Variants in C8orf34 observed in about 807,000 individuals in gnomAD.
C8orf34 encodes the protein chromosome 8 open reading frame 34.
Under a neutral mutation model 68.3 loss-of-function variants are expected in C8orf34, and 65 were observed. The ratio of observed to expected loss-of-function variants is 0.95; its 90% CI spans 0.78 to 1.17. The LOEUF (loss-of-function observed/expected upper bound fraction) is 1.17. Ranked by LOEUF, C8orf34 falls within the 50% of genes most tolerant of loss-of-function variation. C8orf34 has a pLI of 0.00. For missense variants in C8orf34, 664 were observed against 655.4 expected (o/e 1.01, Z -0.14); for synonymous variants, 244 against 241.2 (o/e 1.01, Z -0.11).
chr8:68,370,526 C>T (rs907839490), intron 1 of C8orf34, among the ~76,000 whole-genome samples: 1 of 152,142 alleles, frequency 6.6e-6, no homozygotes, highest in Admixed American at 6.6e-5. Flanking sequence ...TTTTTAAATT[C>T]TTTCATGAGG....
chr8:68,814,721 T>C (rs1824756708), intron 12 of C8orf34, among the ~76,000 whole-genome samples: 1 of 152,210 alleles, frequency 6.6e-6, no homozygotes. Context: ...AACTCAGTTC[T>C]AGCTTAATAT....
At chr8:68,445,622 G>A (rs907302888) in intron 2 of C8orf34, among the ~76,000 whole-genome samples, 4 of 152,074 alleles carry the variant, frequency 2.6e-5, no homozygotes, top group African/African-American at 9.7e-5. Context: ...AAATTGATTT[G>A]GGTGAATATC....
At chr8:68,709,194 C>T (rs1324265119) in intron 9 of C8orf34, 115 bp downstream of exon 9, 3 of 747,172 alleles carry the variant, frequency 4.0e-6, no homozygotes, top group Non-Finnish European at 6.9e-6. Flanking sequence ...ACTGCAGCTG[C>T]ACGTCACATA....
intron 8 of C8orf34, among the ~76,000 whole-genome samples, chr8:68,643,681 G>A (rs1033526331): frequency 1.3e-5 from 2 of 152,068 alleles, no homozygotes; most frequent in South Asian, 2.1e-4. Context: ...CCATTCATGA[G>A]GGTTCCACCC....
chr8:68,543,192 T>C (rs1320718106), intron 7 of C8orf34, among the ~76,000 whole-genome samples: 1 of 152,148 alleles, frequency 6.6e-6, no homozygotes, highest in African/African-American at 2.4e-5. Context: ...CAAAAAAGTT[T>C]AGACATTTGA....
intron 7 of C8orf34, among the ~76,000 whole-genome samples, chr8:68,558,974 A>C (rs141369525): frequency 6.6e-6 from 1 of 152,346 alleles, no homozygotes; most frequent in African/African-American, 2.4e-5. Flanking sequence ...TACTGGGAGA[A>C]TCACAGAAGG....
At position 68,367,912 on chromosome 8, in the gene C8orf34, G is replaced by GAAAAAAAAAAAAAA. The variant is rs61562318; in HGVS notation, c.327+36585_327+36598dup. Among the ~76,000 whole-genome samples the GAAAAAAAAAAAAAA allele has an allele frequency of 3.2e-3, 256 of 79,110 alleles. 2 individuals carry two copies. The highest frequency in any genetic ancestry group is 4.1e-3 in the Non-Finnish European group (175 of 42,714). 51.9% of individuals were successfully genotyped at this position (79,110 alleles called of 152,430 possible). On this transcript the variant is annotated intron_variant, in intron 1 of 13. Transcript: ENST00000518698. ...CCTAAAGTATAATAAAAAAAGAAAA[G>GAAAAAAAAAAAAAA]AAAAAAAAAAAAAAAAAAAAAAAAA...
chr8:68,805,672 G>T (rs1563679857), intron 12 of C8orf34, among the ~76,000 whole-genome samples: 1 of 151,936 alleles, frequency 6.6e-6, no homozygotes, highest in Non-Finnish European at 1.5e-5. Context: ...GGTTTGTATG[G>T]TATATGATTT....
chr8:68,358,599 G>A (rs1806847107), intron 1 of C8orf34, among the ~76,000 whole-genome samples: 1 of 151,338 alleles, frequency 6.6e-6, no homozygotes, highest in East Asian at 1.9e-4. Context: ...TGCCAGCTTT[G>A]TTTCTGACAC....
intron 7 of C8orf34, among the ~76,000 whole-genome samples, chr8:68,572,827 A>AT (rs1816796145): frequency 6.6e-6 from 1 of 152,022 alleles, no homozygotes; most frequent in Admixed American, 6.6e-5. Flanking sequence ...TGACAGACAG[A>AT]TTTTATGTGT....
chr8:68,672,534 G>A (rs2130845987), intron 8 of C8orf34, among the ~76,000 whole-genome samples: 1 of 152,258 alleles, frequency 6.6e-6, no homozygotes, highest in Admixed American at 6.5e-5. Flanking sequence ...AGCAACACCA[G>A]GTAGAACTCA....
chr8:68,569,668 G>C (rs983401640), intron 7 of C8orf34, among the ~76,000 whole-genome samples: 4 of 152,190 alleles, frequency 2.6e-5, no homozygotes, highest in Non-Finnish European at 5.9e-5. Flanking sequence ...TACAGGAAAA[G>C]GAATTCAGGG....
At chr8:68,533,343 A>C in intron 7 of C8orf34, 194 bp downstream of exon 7, 1 of 1,333,474 alleles carries the variant, frequency 7.5e-7, no homozygotes, top group East Asian at 2.9e-5. Context: ...AAGCATATGA[A>C]TATTTATTAG....
At chr8:68,496,915 C>G (rs367735257) in intron 5 of C8orf34, among the ~76,000 whole-genome samples, 2 of 152,110 alleles carry the variant, frequency 1.3e-5, no homozygotes, top group East Asian at 3.9e-4. Flanking sequence ...AGGAAAATAT[C>G]TGTAGAGCTG....
chr8:68,811,733 G>C lies in C8orf34; in HGVS notation c.1550-4153G>C, dbSNP rs1824657730. On this transcript the variant is annotated intron_variant, in intron 12 of 13. Coordinates refer to ENST00000518698, the MANE Select transcript of C8orf34 (RefSeq NM_052958.4). ...TTCTGAAGGAGGAGGAAATGGGACA[G>C]AAGTAACATTTATTAAATTTTGATT... is the stretch of plus-strand genomic sequence containing the variant. 2.0e-5 allele frequency among the ~76,000 whole-genome samples: 3 copies of C among 152,228 alleles called. No homozygotes were observed. In the South Asian group the frequency reaches 6.2e-4, roughly 32 times the overall value.
chr8:68,361,928 G>C (rs1156421706), intron 1 of C8orf34, among the ~76,000 whole-genome samples: 1 of 152,208 alleles, frequency 6.6e-6, no homozygotes, highest in Non-Finnish European at 1.5e-5. Flanking sequence ...GAAGGTTAAA[G>C]ATCTACTAAC....
chr8:68,577,828 CT>C (rs1411332250), intron 7 of C8orf34, among the ~76,000 whole-genome samples: 1 of 151,204 alleles, frequency 6.6e-6, no homozygotes, highest in Non-Finnish European at 1.5e-5. Flanking sequence ...AAAAACCTTA[CT>C]TTTGTATTTC....
At chr8:68,520,557 T>G (rs925541486) in intron 5 of C8orf34, among the ~76,000 whole-genome samples, 1 of 151,908 alleles carries the variant, frequency 6.6e-6, no homozygotes, top group Non-Finnish European at 1.5e-5. Flanking sequence ...TTCACACCAT[T>G]CTCCTGCCTC....
rs1475594009 is a variant in C8orf34, at chr8:68,397,773, A to G, written c.328-41726A>G. Among the ~76,000 whole-genome samples the G allele has an allele frequency of 3.9e-5, 6 of 151,906 alleles. No homozygotes were observed. The East Asian group carries it at 1.2e-3, about 29-fold the overall frequency. On this transcript the variant is annotated intron_variant, in intron 1 of 13. Transcript: ENST00000518698. ...TCCTGTGAACTGACCCTATTTTTTT[A>G]ATTTTTATTTTTTGAGACAAAGTCT... is the stretch of plus-strand genomic sequence containing the variant.
Sources: allele counts gnomAD v4.1 joint callset (sites outside exome capture counted in the v4.1 genomes callset), GRCh38; gene constraint gnomAD v4.1.1; transcripts MANE v1.5; gene names NCBI Gene and HGNC (gene_info 2026-07-23, HGNC 2026-07-21).